The following ZFHX3 variants were observed in gnomAD, a reference collection of about 807,000 sequenced individuals.
ZFHX3 encodes zinc finger homeobox protein 3.
In ZFHX3, 42 loss-of-function variants were observed where a neutral mutation model predicts 279.1. The ratio of observed to expected loss-of-function variants is 0.15; its 90% CI spans 0.12 to 0.19. ZFHX3 has a LOEUF of 0.19. ZFHX3 is among the 10% of genes least tolerant of loss of function. ZFHX3 has a pLI of 1.00. For synonymous variants in ZFHX3, 2,293 were observed against 1,957.8 expected, an observed-to-expected ratio of 1.17 and a Z score of -4.52; for missense variants, 4,981 against 4,754.0, an observed-to-expected ratio of 1.05 and a Z score of -1.40.
intron 4 of ZFHX3, among the ~76,000 whole-genome samples, chr16:73,277,548 A>C (rs77823739): frequency 0.019 from 2,891 of 152,316 alleles, 75 homozygotes; most frequent in African/African-American, 0.066. Context: ...TTAAATCCTC[A>C]TGACTTTGTC....
At chr16:73,243,954 C>A (rs988854300) in intron 5 of ZFHX3, among the ~76,000 whole-genome samples, 1 of 152,142 alleles carries the variant, frequency 6.6e-6, no homozygotes, top group African/African-American at 2.4e-5. Context: ...CGGTAGAGAA[C>A]GCCTCAAGTG....
At chr16:73,306,661 A>G (rs920983848) in intron 4 of ZFHX3, among the ~76,000 whole-genome samples, 1 of 152,232 alleles carries the variant, frequency 6.6e-6, no homozygotes, top group Non-Finnish European at 1.5e-5. Context: ...GGAATATGCC[A>G]TCTCACTTGG....
At chr16:73,033,415 G>A (rs1387260647) in intron 1 of ZFHX3, among the ~76,000 whole-genome samples, 1 of 152,182 alleles carries the variant, frequency 6.6e-6, no homozygotes, top group Non-Finnish European at 1.5e-5. Flanking sequence ...CCGCCCCCCA[G>A]CACTGGGTCT....
intron 3 of ZFHX3, among the ~76,000 whole-genome samples, chr16:73,375,003 T>C (rs1487445310): frequency 6.6e-6 from 1 of 152,220 alleles, no homozygotes; most frequent in African/African-American, 2.4e-5. Flanking sequence ...AATAATTGCT[T>C]ACATCCGTTA....
intron 2 of ZFHX3, among the ~76,000 whole-genome samples, chr16:73,601,534 C>A (rs1417891473): frequency 6.6e-6 from 1 of 151,430 alleles, no homozygotes; most frequent in African/African-American, 2.4e-5. Context: ...TTTTACTTTC[C>A]TTTTTCTTCA....
At chr16:73,889,697 G>T (rs149287811) in intron 1 of ZFHX3, among the ~76,000 whole-genome samples, 8 of 152,230 alleles carry the variant, frequency 5.3e-5, no homozygotes, top group Non-Finnish European at 1.0e-4. Context: ...CCAGTGTATG[G>T]GTTAATTCTC....
intron 1 of ZFHX3, among the ~76,000 whole-genome samples, chr16:73,839,995 A>T (rs1283437639): frequency 1.3e-5 from 2 of 151,762 alleles, no homozygotes; most frequent in Admixed American, 6.6e-5. Flanking sequence ...ATGTTCAATA[A>T]CTCTCTCAAA....
At chr16:72,977,633 T>A (rs74028158) in intron 1 of ZFHX3, among the ~76,000 whole-genome samples, 37 of 152,048 alleles carry the variant, frequency 2.4e-4, no homozygotes, top group African/African-American at 8.0e-4. Flanking sequence ...GAGGAGAGGC[T>A]GGGATCTCTA....
intron 4 of ZFHX3, among the ~76,000 whole-genome samples, chr16:72,835,406 A>G (rs1238428828): frequency 2.6e-5 from 4 of 152,246 alleles, no homozygotes; most frequent in Non-Finnish European, 5.9e-5. Context: ...CGGCATTAAA[A>G]AAAATGAAAT....
chr16:73,815,993 C>T (rs1960560388), intron 1 of ZFHX3: 1 of 152,188 alleles, frequency 6.6e-6, no homozygotes, highest in Admixed American at 6.5e-5. Flanking sequence ...GGGTGACCCT[C>T]ACTACTTTGT....
At chr16:73,144,681 T>A (rs1966856153) in intron 5 of ZFHX3, among the ~76,000 whole-genome samples, 1 of 152,128 alleles carries the variant, frequency 6.6e-6, no homozygotes, top group South Asian at 2.1e-4. Context: ...CAGAAGACAT[T>A]CCCTAACCTT....
chr16:73,807,449 C>A (rs115701552), intron 1 of ZFHX3, among the ~76,000 whole-genome samples: 2 of 151,974 alleles, frequency 1.3e-5, no homozygotes, highest in East Asian at 3.9e-4. Flanking sequence ...GCACCAACAT[C>A]ATCTGTTAAA....
At chr16:73,797,536 T>C (rs1390691054) in intron 1 of ZFHX3, among the ~76,000 whole-genome samples, 1 of 152,098 alleles carries the variant, frequency 6.6e-6, no homozygotes, top group Non-Finnish European at 1.5e-5. Flanking sequence ...CAGTGGAAAT[T>C]ATAAATCTGT....
intron 3 of ZFHX3, among the ~76,000 whole-genome samples, chr16:73,350,664 C>T (rs1032901093): frequency 6.6e-6 from 1 of 152,350 alleles, no homozygotes. Context: ...TCACTCATCA[C>T]TTCTCCTGCA....
At chr16:73,594,510 A>G (rs1272898194) in intron 2 of ZFHX3, among the ~76,000 whole-genome samples, 1 of 152,234 alleles carries the variant, frequency 6.6e-6, no homozygotes, top group Admixed American at 6.5e-5. Flanking sequence ...GGAGGTGATA[A>G]GACTTATCTT....
intron 3 of ZFHX3, among the ~76,000 whole-genome samples, chr16:73,358,516 G>A (rs2016382915): frequency 6.6e-6 from 1 of 152,190 alleles, no homozygotes; most frequent in African/African-American, 2.4e-5. Context: ...GGCGGCCCTG[G>A]CTGACACCAA....
rs575493436 is a variant in ZFHX3, at chr16:72,794,920, G to C, written c.7762C>G (p.Leu2588Val). The change falls in exon 9 of 10, where the codon CTG (leucine) becomes GTG (valine). Residue 2588 changes from leucine to valine, a missense_variant. This residue lies in a region of ZFHX3 where 744 missense variants were observed against 701.3 expected (regional missense o/e 1.06). Transcript: ENST00000268489. This position sits in a 1 kb window ranked among gnomAD's most constrained non-coding sequence, Gnocchi z 4.2. ...ATCTGAGGTATGGCCCCAGAGAGCAGCTGGCTGGCCAGGAGTGGGTTACTG... is the reference window on the plus strand; with the variant it reads ...ATCTGAGGTATGGCCCCAGAGAGCACCTGGCTGGCCAGGAGTGGGTTACTG... ...DPSNPLLASQ[L>V]LSGAIPQIPA... The C allele has an allele frequency of 3.1e-6, 5 of 1,614,150 alleles. No homozygotes were observed. In the South Asian group the frequency reaches 3.3e-5, roughly 11 times the overall value.
Position 73,737,734 on chromosome 16 carries a change from AC to A in ZFHX3, c.-1607-57495del, listed in dbSNP as rs1421505897. On this transcript the variant is annotated intron_variant, in intron 1 of 17. Coordinates refer to the ZFHX3 transcript ENST00000641206. ...CATTATATAGTAAAGTTTCAGGGAT[AC>A]GGGAGCTATTTAATCATTTTGTGTG... Among the ~76,000 whole-genome samples, 103 of 151,742 alleles carry A rather than the reference AC, an allele frequency of 6.8e-4. 1 individual carries two copies. The highest frequency in any genetic ancestry group is 1.8e-4 in the Non-Finnish European group (12 of 67,992).
chr16:73,416,601 C>T (rs2017586052), intron 3 of ZFHX3, among the ~76,000 whole-genome samples: 1 of 152,112 alleles, frequency 6.6e-6, no homozygotes, highest in Admixed American at 6.5e-5. Context: ...CGGCCGGACG[C>T]GGTGGCTCAC....
Sources: allele counts gnomAD v4.1 joint callset (sites outside exome capture counted in the v4.1 genomes callset), GRCh38; gene constraint gnomAD v4.1.1; regional missense constraint gnomAD v4.1.1; non-coding constraint Gnocchi (gnomAD v3.1); transcripts MANE v1.5; gene names NCBI Gene and HGNC (gene_info 2026-07-23, HGNC 2026-07-21).